Variants in SLC16A7 observed in about 807,000 individuals in gnomAD.
SLC16A7 encodes the protein monocarboxylate transporter 2.
Under a neutral mutation model 34.9 loss-of-function variants are expected in SLC16A7, and 33 were observed. That is an observed-to-expected ratio of 0.94 (90% CI 0.72 to 1.26). The LOEUF (loss-of-function observed/expected upper bound fraction) is 1.26. Ranked by LOEUF, SLC16A7 falls within the 50% of genes most tolerant of loss-of-function variation. SLC16A7 has a pLI of 0.00. For missense variants in SLC16A7, 573 were observed against 578.1 expected, an observed-to-expected ratio of 0.99 and a Z score of 0.09; for synonymous variants, 201 against 206.6, an observed-to-expected ratio of 0.97 and a Z score of 0.23.
intron 5 of SLC16A7, among the ~76,000 whole-genome samples, chr12:59,778,101 C>T (rs569579216): frequency 7.9e-5 from 12 of 151,910 alleles, no homozygotes; most frequent in African/African-American, 2.9e-4. Flanking sequence ...TGAATAGTGC[C>T]GCAATAAAAA....
chr12:59,705,932 A>G (rs1873516200), intron 3 of SLC16A7, among the ~76,000 whole-genome samples: 1 of 152,304 alleles, frequency 6.6e-6, no homozygotes, highest in East Asian at 1.9e-4. Flanking sequence ...TAACATTAGT[A>G]TAATATCCAG....
At chr12:59,604,484 G>A (rs971228421) in intron 1 of SLC16A7, among the ~76,000 whole-genome samples, 5 of 152,214 alleles carry the variant, frequency 3.3e-5, no homozygotes, top group African/African-American at 1.2e-4. Flanking sequence ...TTGTGTGTGT[G>A]TGTGTATAAT....
At chr12:59,776,819 A>G (rs1882807918) in intron 5 of SLC16A7, among the ~76,000 whole-genome samples, 1 of 152,132 alleles carries the variant, frequency 6.6e-6, no homozygotes, top group African/African-American at 2.4e-5. Flanking sequence ...ATCTCTCAAT[A>G]TAAATATACC....
At chr12:59,681,449 A>T (rs1202067262) in intron 2 of SLC16A7, among the ~76,000 whole-genome samples, 1 of 149,096 alleles carries the variant, frequency 6.7e-6, no homozygotes, top group Non-Finnish European at 1.5e-5. Context: ...TGTGCCAGCA[A>T]TTTTTTTTTT....
intron 1 of SLC16A7, among the ~76,000 whole-genome samples, chr12:59,639,322 G>C (rs1174519187): frequency 6.6e-6 from 1 of 152,064 alleles, no homozygotes; most frequent in African/African-American, 2.4e-5. Flanking sequence ...AACAATGAGG[G>C]GGTTGAAGTC....
intron 2 of SLC16A7, among the ~76,000 whole-genome samples, chr12:59,662,739 G>T (rs1868922077): frequency 6.6e-6 from 1 of 152,048 alleles, no homozygotes; most frequent in South Asian, 2.1e-4. Context: ...TGTTAAAGGT[G>T]TTACTGTGAT....
chr12:59,621,666 CATT>C (rs1404690304), intron 1 of SLC16A7, among the ~76,000 whole-genome samples: 1 of 151,788 alleles, frequency 6.6e-6, no homozygotes, highest in Non-Finnish European at 1.5e-5. Context: ...GGCATACAAA[CATT>C]ATTTTTTAAC....
intron 1 of SLC16A7, among the ~76,000 whole-genome samples, chr12:59,599,910 G>T (rs957889835): frequency 6.6e-6 from 1 of 152,190 alleles, no homozygotes; most frequent in Admixed American, 6.5e-5. Flanking sequence ...CATGGTCTTT[G>T]AGAGTAGATG....
chr12:59,718,025 G>A (rs993668758), intron 3 of SLC16A7, among the ~76,000 whole-genome samples: 1 of 152,112 alleles, frequency 6.6e-6, no homozygotes, highest in Non-Finnish European at 1.5e-5. Flanking sequence ...CTAAATTTCT[G>A]TTTGGTTCCA....
At chr12:59,653,679 T>G (rs1868393981) in intron 1 of SLC16A7, among the ~76,000 whole-genome samples, 2 of 151,700 alleles carry the variant, frequency 1.3e-5, no homozygotes, top group African/African-American at 2.4e-5. Flanking sequence ...TTTACTAAAT[T>G]ACCATGTATA....
chr12:59,768,136 T>C (rs1383154360), intron 3 of SLC16A7: 1 of 453,718 alleles, frequency 2.2e-6, no homozygotes, highest in Non-Finnish European at 4.4e-6. Flanking sequence ...CTGCCGTACA[T>C]AATGACTCCT....
At chr12:59,607,217 GGAATCAAA>G (rs1233755167) in intron 1 of SLC16A7, among the ~76,000 whole-genome samples, 1 of 152,118 alleles carries the variant, frequency 6.6e-6, no homozygotes, top group Non-Finnish European at 1.5e-5. Flanking sequence ...TTCTGATGGA[GGAATCAAA>G]GAAGACATTA....
In SLC16A7 at chr12:59,787,809, C is replaced by T. The variant is rs576623071; in HGVS notation, c.*8130C>T. On this transcript the variant is annotated 3_prime_UTR_variant, in exon 6 of 6. Coordinates refer to ENST00000547379, the MANE Select transcript of SLC16A7 (RefSeq NM_001270623.2). ...AACCGACACCCGTATGCTAAGACTGCATTGTCATTCTGACAGGAGGCAGGC... is the reference window on the plus strand; with the variant it reads ...AACCGACACCCGTATGCTAAGACTGTATTGTCATTCTGACAGGAGGCAGGC... 119 of 152,304 alleles carry T rather than the reference C, an allele frequency of 7.8e-4. No individual in the cohort carries two copies. The highest frequency in any genetic ancestry group is 2.8e-3 in the African/African-American group (118 of 41,562). The allele number at this position is 152,304 out of a possible 1,614,324, so 9.4% of individuals were successfully genotyped here.
chr12:59,710,246 G>A (rs908057838), intron 3 of SLC16A7, among the ~76,000 whole-genome samples: 1 of 152,140 alleles, frequency 6.6e-6, no homozygotes, highest in Non-Finnish European at 1.5e-5. Context: ...TGGGGTCACT[G>A]AGTAAGACAG....
In SLC16A7 at chr12:59,774,825, G is replaced by A. The variant is rs1050838025; in HGVS notation, c.530G>A (p.Ser177Asn). 3 of 1,613,774 alleles carry A rather than the reference G, an allele frequency of 1.9e-6. No individual in the cohort carries two copies. Among genetic ancestry groups the A allele is most frequent in the East Asian group, 2.2e-5 (1 of 44,866 alleles). ...TTTAATACTTTTGGCTGGAAAGGAA[G>A]CTTCCTGATTTTGGGAAGTCTACTT... ...YLFNTFGWKG[S>N]FLILGSLLLN... The change falls in exon 5 of 6, where the codon AGC becomes AAC. Residue 177 changes from serine to asparagine, a missense_variant. By Grantham distance (46) the Ser-to-Asn change is conservative (BLOSUM62 1). Transcript: ENST00000547379.
At chr12:59,738,200 T>A (rs1177828754) in intron 3 of SLC16A7, among the ~76,000 whole-genome samples, 1 of 152,174 alleles carries the variant, frequency 6.6e-6, no homozygotes, top group East Asian at 1.9e-4. Context: ...TCAGTTTTGA[T>A]TTGGAGAATT....
chr12:59,605,866 C>T (rs1364109749), intron 1 of SLC16A7, among the ~76,000 whole-genome samples: 8 of 152,126 alleles, frequency 5.3e-5, no homozygotes, highest in African/African-American at 1.9e-4. Context: ...AATGAAATTT[C>T]GACTAAGCTA....
chr12:59,782,846 A>G lies in SLC16A7; in HGVS notation c.*3167A>G, dbSNP rs1003823848. The G allele has an allele frequency of 2.0e-5, 3 of 152,212 alleles. No homozygotes were observed. The highest frequency in any genetic ancestry group is 7.2e-5 in the African/African-American group (3 of 41,456). 9.4% of individuals were successfully genotyped at this position (152,212 alleles called of 1,614,324 possible). A position where few individuals can be genotyped will look rare whatever the true frequency, so the allele number is the denominator to read the frequency against. ...ACATTGGAAGACATGATGTTTTCTC[A>G]GTATAAATCTACAGGACTCATAAAC... On this transcript the variant is annotated 3_prime_UTR_variant, in exon 6 of 6. Transcript: ENST00000547379.
rs536183114 is a variant in SLC16A7, at chr12:59,644,289, G to A, written c.-129-10863G>A. Among the ~76,000 whole-genome samples the A allele has an allele frequency of 2.6e-5, 4 of 152,080 alleles. No individual in the cohort carries two copies. The East Asian group carries it at 5.8e-4, about 22-fold the overall frequency. ...CATCAAAAGTTATAAAGTCTTGTCC[G>A]GGCACGGTAGCTCATGACTGTAATC... On this transcript the variant is annotated intron_variant, in intron 1 of 5. Coordinates refer to ENST00000547379, the MANE Select transcript of SLC16A7 (RefSeq NM_001270623.2).
Sources: gnomAD v4.1 joint callset for allele counts (sites outside exome capture counted in the v4.1 genomes callset) on GRCh38, gnomAD v4.1.1 for gene constraint, MANE v1.5 for transcripts, NCBI Gene and HGNC (gene_info 2026-07-23, HGNC 2026-07-21) for gene names.